The following PRKG1 variants were observed in gnomAD, a reference collection of about 807,000 sequenced individuals.
PRKG1 encodes the protein cGMP-dependent protein kinase 1.
A neutral mutation model predicts 88.1 loss-of-function variants in PRKG1; 35 were observed. That is an observed-to-expected ratio of 0.40 (90% confidence interval 0.30 to 0.53). PRKG1 has a LOEUF of 0.53. Among genes scored for constraint, PRKG1 ranks in the 20% least tolerant of loss-of-function variants. The probability of loss-of-function intolerance (pLI) is 0.59; values close to 1 mark genes in which losing one functional copy is unlikely to be tolerated. For missense variants in PRKG1, 540 were observed against 839.8 expected, an observed-to-expected ratio of 0.64 and a Z score of 4.41; for synonymous variants, 303 against 292.5, an observed-to-expected ratio of 1.04 and a Z score of -0.37.
chr10:52,269,578 G>A (rs1396472171), intron 10 of PRKG1, among the ~76,000 whole-genome samples: 1 of 151,998 alleles, frequency 6.6e-6, no homozygotes, highest in African/African-American at 2.4e-5. Context: ...TAAGACCTTC[G>A]CTATCCCTGC....
At chr10:51,423,135 A>G (rs777304412) in intron 2 of PRKG1, among the ~76,000 whole-genome samples, 1 of 152,184 alleles carries the variant, frequency 6.6e-6, no homozygotes, top group African/African-American at 2.4e-5. Context: ...ATATTTCTCT[A>G]TTCAAATCAA....
chr10:51,895,677 C>G (rs972498657), intron 4 of PRKG1, among the ~76,000 whole-genome samples: 3 of 152,004 alleles, frequency 2.0e-5, no homozygotes, highest in Non-Finnish European at 4.4e-5. Context: ...CTTTCCCAAG[C>G]AGGTGGTTAG....
At chr10:52,212,145 C>T (rs1254828821) in intron 9 of PRKG1, among the ~76,000 whole-genome samples, 1 of 152,082 alleles carries the variant, frequency 6.6e-6, no homozygotes, top group East Asian at 1.9e-4. Flanking sequence ...GGTCGGATAA[C>T]ATTTATGGAC....
intron 1 of PRKG1, among the ~76,000 whole-genome samples, chr10:51,063,840 T>C (rs1410560346): frequency 6.6e-6 from 1 of 152,148 alleles, no homozygotes; most frequent in African/African-American, 2.4e-5. Flanking sequence ...GAGTAGAACA[T>C]TTGGACAGTA....
intron 3 of PRKG1, among the ~76,000 whole-genome samples, chr10:51,546,901 G>GGC (rs1842456008): frequency 6.6e-6 from 1 of 152,074 alleles, no homozygotes; most frequent in South Asian, 2.1e-4. Flanking sequence ...ACTCATAGAT[G>GGC]AAGACAAGGT....
intron 2 of PRKG1, among the ~76,000 whole-genome samples, chr10:51,284,549 TA>T (rs1241170553): frequency 1.3e-5 from 2 of 152,260 alleles, no homozygotes; most frequent in Non-Finnish European, 2.9e-5. Flanking sequence ...CAATGCTTTA[TA>T]TTTTTTGTTA....
At chr10:51,508,268 A>C (rs1352969225) in intron 3 of PRKG1, among the ~76,000 whole-genome samples, 1 of 152,194 alleles carries the variant, frequency 6.6e-6, no homozygotes, top group African/African-American at 2.4e-5. Flanking sequence ...ATTGCCACAC[A>C]ATATACCTAT....
chr10:52,038,535 G>A (rs989209515), intron 5 of PRKG1, among the ~76,000 whole-genome samples: 29 of 152,160 alleles, frequency 1.9e-4, no homozygotes, highest in East Asian at 1.4e-3. Flanking sequence ...CTAGAAAAGC[G>A]GGACTTGCCG....
chr10:51,351,943 G>A (rs116884210), intron 2 of PRKG1, among the ~76,000 whole-genome samples: 1 of 152,168 alleles, frequency 6.6e-6, no homozygotes, highest in Non-Finnish European at 1.5e-5. Flanking sequence ...AGGGGGTCCA[G>A]TTTCTGTTTT....
chr10:51,927,641 G>A (rs1842608183), intron 5 of PRKG1, among the ~76,000 whole-genome samples: 1 of 152,154 alleles, frequency 6.6e-6, no homozygotes, highest in Non-Finnish European at 1.5e-5. Context: ...TAAGGAAACA[G>A]GAACTAATGG....
rs865947648 is a variant in PRKG1, at chr10:52,295,184, G to A, written c.*1284G>A. Reference sequence around the variant, plus strand: ...AAAGTCAAAGTTGTTAATATTTACAGGTTTACCAGATCTGGAACATTACTT... The same window carrying A: ...AAAGTCAAAGTTGTTAATATTTACAAGTTTACCAGATCTGGAACATTACTT... On this transcript the variant is annotated 3_prime_UTR_variant, in exon 18 of 18. Coordinates refer to ENST00000373980, the MANE Select transcript of PRKG1 (RefSeq NM_006258.4). 7.9e-5 allele frequency: 12 copies of A among 151,986 alleles called. No homozygotes were observed. Among genetic ancestry groups the A allele is most frequent in the African/African-American group, 2.2e-4 (9 of 41,390 alleles). 9.4% of individuals were successfully genotyped at this position (151,986 alleles called of 1,614,324 possible). A position where few individuals can be genotyped will look rare whatever the true frequency, so the allele number is the denominator to read the frequency against.
chr10:51,457,164 A>G (rs945023458), intron 2 of PRKG1, among the ~76,000 whole-genome samples: 1 of 152,222 alleles, frequency 6.6e-6, no homozygotes, highest in African/African-American at 2.4e-5. Flanking sequence ...TTACAAAAAT[A>G]TGGAACCAGC....
chr10:51,565,632 T>A (rs551524334), intron 3 of PRKG1, among the ~76,000 whole-genome samples: 7 of 152,068 alleles, frequency 4.6e-5, no homozygotes, highest in African/African-American at 1.4e-4. Flanking sequence ...CTAGAGTATA[T>A]CCAATGTGCA....
chr10:51,621,007 GTGTATATA>G (rs1413231365), intron 3 of PRKG1, among the ~76,000 whole-genome samples: 2 of 122,182 alleles, frequency 1.6e-5, no homozygotes, highest in African/African-American at 2.8e-5. Flanking sequence ...GTGTATATGT[GTGTATATA>G]TATATATATA....
rs1839259813 is a variant in PRKG1, at chr10:52,188,252, GTATATATATACATATGTA to G, written c.1076+26298_1076+26315del. Among the ~76,000 whole-genome samples, 17 of 1,978 alleles carry G rather than the reference GTATATATATACATATGTA, an allele frequency of 8.6e-3. No individual in the cohort carries two copies. The South Asian group carries it at 0.13, about 16-fold the overall frequency. 1.3% of individuals were successfully genotyped at this position (1,978 alleles called of 152,430 possible). A position where few individuals can be genotyped will look rare whatever the true frequency, so the allele number is the denominator to read the frequency against. On this transcript the variant is annotated intron_variant, in intron 9 of 17. Transcript: ENST00000373980. ...TATGTATATATATACATATATATGT[GTATATATATACATATGTA>G]TATATATACATATATATGTGTATAT...
At chr10:52,039,848 A>G (rs1845712275) in intron 5 of PRKG1, among the ~76,000 whole-genome samples, 1 of 152,138 alleles carries the variant, frequency 6.6e-6, no homozygotes, top group African/African-American at 2.4e-5. Flanking sequence ...TTTGAGAAGC[A>G]CTCAAGTCTC....
intron 3 of PRKG1, among the ~76,000 whole-genome samples, chr10:51,525,328 G>A (rs140181105): frequency 2.6e-5 from 4 of 152,280 alleles, no homozygotes; most frequent in East Asian, 1.9e-4. Flanking sequence ...GAACAAGAAC[G>A]TGTTTATTTG....
chr10:51,589,793 A>C (rs555487454), intron 3 of PRKG1, among the ~76,000 whole-genome samples: 1 of 152,336 alleles, frequency 6.6e-6, no homozygotes, highest in South Asian at 2.1e-4. Context: ...ACGAAGTTTA[A>C]GTGGTAAAAG....
intron 1 of PRKG1, among the ~76,000 whole-genome samples, chr10:51,077,992 AT>A (rs1439974286): frequency 6.6e-6 from 1 of 152,240 alleles, no homozygotes; most frequent in Admixed American, 6.5e-5. Context: ...ATGAAGTTTC[AT>A]TCCTGAAATT....
Sources: gnomAD v4.1 joint callset for allele counts (sites outside exome capture counted in the v4.1 genomes callset) on GRCh38, gnomAD v4.1.1 for gene constraint, MANE v1.5 for transcripts, NCBI Gene and HGNC (gene_info 2026-07-23, HGNC 2026-07-21) for gene names.